HS3ST4: variants seen among roughly 807,000 people sequenced by gnomAD.
HS3ST4 encodes the protein heparan sulfate-glucosamine 3-sulfotransferase 4.
A neutral mutation model predicts 29.2 loss-of-function variants in HS3ST4; 17 were observed. The ratio of observed to expected loss-of-function variants is 0.58; its 90% CI spans 0.40 to 0.87. The LOEUF is 0.87. Among genes scored for constraint, HS3ST4 ranks in the 40% least tolerant of loss-of-function variants. HS3ST4 has a pLI of 0.00. For synonymous variants in HS3ST4, 314 were observed against 285.7 expected (o/e 1.10, Z -1.00); for missense variants, 627 against 634.5 (o/e 0.99, Z 0.13).
intron 1 of HS3ST4, among the ~76,000 whole-genome samples, chr16:26,135,331 G>A (rs971161901): frequency 1.3e-5 from 2 of 152,122 alleles, no homozygotes; most frequent in African/African-American, 4.8e-5. Context: ...GAAATCAAGG[G>A]TGTATCTAGG....
At chr16:25,976,453 G>GTA (rs1968944303) in intron 1 of HS3ST4, among the ~76,000 whole-genome samples, 1 of 152,078 alleles carries the variant, frequency 6.6e-6, no homozygotes, top group Non-Finnish European at 1.5e-5. Flanking sequence ...CTACAGATGC[G>GTA]TACCACCATG....
chr16:25,929,412 C>T (rs896311787), intron 1 of HS3ST4, among the ~76,000 whole-genome samples: 103 of 152,094 alleles, frequency 6.8e-4, no homozygotes, highest in Admixed American at 3.5e-3. Context: ...AAGAAAGGTT[C>T]AAGGTTATCT....
intron 1 of HS3ST4, among the ~76,000 whole-genome samples, chr16:26,072,594 CTT>C (rs925645250): frequency 1.3e-5 from 2 of 152,150 alleles, no homozygotes; most frequent in African/African-American, 2.4e-5. Flanking sequence ...CAAGACAACT[CTT>C]TAGAAATATT....
chr16:25,714,048 C>T (rs1336524582), intron 1 of HS3ST4, among the ~76,000 whole-genome samples: 2 of 151,956 alleles, frequency 1.3e-5, no homozygotes, highest in African/African-American at 2.4e-5. Context: ...CTTAGAGTCT[C>T]CTCGGGGAAT....
At chr16:26,052,731 GA>G (rs1176430469) in intron 1 of HS3ST4, among the ~76,000 whole-genome samples, 1 of 152,230 alleles carries the variant, frequency 6.6e-6, no homozygotes, top group Non-Finnish European at 1.5e-5. Flanking sequence ...CCTCATATCA[GA>G]GAACCTTTAG....
At chr16:26,125,456 C>T (rs2141813044) in intron 1 of HS3ST4, among the ~76,000 whole-genome samples, 1 of 152,354 alleles carries the variant, frequency 6.6e-6, no homozygotes, top group Non-Finnish European at 1.5e-5. Context: ...AGGTGGAGCT[C>T]AGGCAGTAAT....
intron 1 of HS3ST4, among the ~76,000 whole-genome samples, chr16:25,962,178 C>T (rs943313657): frequency 3.9e-5 from 6 of 152,016 alleles, no homozygotes; most frequent in African/African-American, 7.2e-5. Context: ...AAACAAGGTA[C>T]GAAGTCATGG....
At chr16:26,130,133 G>C (rs1455438667) in intron 1 of HS3ST4, among the ~76,000 whole-genome samples, 2 of 152,170 alleles carry the variant, frequency 1.3e-5, no homozygotes, top group Non-Finnish European at 2.9e-5. Flanking sequence ...ATAAACATTT[G>C]GGGCTGTGAG....
intron 1 of HS3ST4, among the ~76,000 whole-genome samples, chr16:26,002,791 AAAAG>A (rs1015429586): frequency 9.2e-5 from 14 of 151,932 alleles, no homozygotes; most frequent in South Asian, 6.2e-4. Flanking sequence ...GAAAGAAAGA[AAAAG>A]AAAGAAGGAA....
chr16:25,810,833 A>G (rs1292951303), intron 1 of HS3ST4, among the ~76,000 whole-genome samples: 1 of 152,188 alleles, frequency 6.6e-6, no homozygotes, highest in African/African-American at 2.4e-5. Context: ...TTTTCAATTA[A>G]ATGTCCTTAT....
chr16:25,952,075 T>G (rs182515170), intron 1 of HS3ST4, among the ~76,000 whole-genome samples: 2 of 152,322 alleles, frequency 1.3e-5, no homozygotes, highest in Admixed American at 1.3e-4. Context: ...AAGTGAAATA[T>G]TATTAGAACA....
intron 1 of HS3ST4, among the ~76,000 whole-genome samples, chr16:25,919,312 G>A (rs1202721002): frequency 3.3e-5 from 5 of 152,110 alleles, no homozygotes; most frequent in Non-Finnish European, 5.9e-5. Flanking sequence ...TTACAGGTGA[G>A]AGCCACTGCA....
intron 1 of HS3ST4, among the ~76,000 whole-genome samples, chr16:25,868,007 T>C (rs1050432281): frequency 1.3e-5 from 2 of 152,160 alleles, no homozygotes; most frequent in African/African-American, 4.8e-5. Context: ...AGACTAGATA[T>C]GTATGTTTCT....
intron 1 of HS3ST4, among the ~76,000 whole-genome samples, chr16:26,082,745 T>C (rs1318327732): frequency 6.6e-6 from 1 of 152,180 alleles, no homozygotes. Context: ...GTTTCAATGG[T>C]GGCTTCATTA....
chr16:26,078,389 T>C lies in HS3ST4; in HGVS notation c.735-57223T>C, dbSNP rs531263146. Among the ~76,000 whole-genome samples, 13 of 152,274 alleles carry C rather than the reference T, an allele frequency of 8.5e-5. No individual in the cohort carries two copies. In the South Asian group the frequency reaches 2.5e-3, roughly 29 times the overall value. On this transcript the variant is annotated intron_variant, in intron 1 of 1. Coordinates refer to ENST00000331351, the MANE Select transcript of HS3ST4 (RefSeq NM_006040.3). ...GGTCTCGATCTCCTGACTTCGTGATTCAGCCGCTTCGGCCTCCCAAAGTGC... is the reference window on the plus strand; with the variant it reads ...GGTCTCGATCTCCTGACTTCGTGATCCAGCCGCTTCGGCCTCCCAAAGTGC...
At chr16:25,806,445 C>T (rs1482194135) in intron 1 of HS3ST4, among the ~76,000 whole-genome samples, 1 of 152,194 alleles carries the variant, frequency 6.6e-6, no homozygotes, top group African/African-American at 2.4e-5. Flanking sequence ...CTCTCCCAGA[C>T]AGTCCAGGGA....
chr16:25,733,498 TC>T (rs1251539763), intron 1 of HS3ST4, among the ~76,000 whole-genome samples: 1 of 152,186 alleles, frequency 6.6e-6, no homozygotes, highest in Non-Finnish European at 1.5e-5. Flanking sequence ...GTAAAATGAC[TC>T]AATTATCTTG....
intron 1 of HS3ST4, among the ~76,000 whole-genome samples, chr16:25,959,833 G>T (rs1237015477): frequency 6.6e-6 from 1 of 152,090 alleles, no homozygotes. Flanking sequence ...GTTCATGCAA[G>T]ATCTGGTTGT....
chr16:25,949,751 G>A (rs1596623526), intron 1 of HS3ST4, among the ~76,000 whole-genome samples: 1 of 152,144 alleles, frequency 6.6e-6, no homozygotes, highest in Non-Finnish European at 1.5e-5. Flanking sequence ...GTGGGACAGG[G>A]TGATTGGTTA....
Sources: allele counts gnomAD v4.1 joint callset (sites outside exome capture counted in the v4.1 genomes callset), GRCh38; gene constraint gnomAD v4.1.1; transcripts MANE v1.5; gene names NCBI Gene and HGNC (gene_info 2026-07-23, HGNC 2026-07-21).